The following SEMA3E variants were observed in gnomAD, a reference collection of about 807,000 sequenced individuals.
The protein encoded by SEMA3E is semaphorin 3E, also known as semaphorin-3E.
Under a neutral mutation model 93.6 loss-of-function variants are expected in SEMA3E, and 49 were observed. The observed-to-expected ratio is 0.52, with a 90% CI of 0.42 to 0.66. The LOEUF (loss-of-function observed/expected upper bound fraction) is 0.66. Among genes scored for constraint, SEMA3E ranks in the 30% least tolerant of loss-of-function variants. SEMA3E has a pLI of 0.00. For synonymous variants in SEMA3E, 363 were observed against 330.7 expected (o/e 1.10, Z -1.06); for missense variants, 906 against 964.8 (o/e 0.94, Z 0.81).
chr7:83,648,078 C>G (rs1794102690), intron 1 of SEMA3E, among the ~76,000 whole-genome samples: 1 of 152,156 alleles, frequency 6.6e-6, no homozygotes, highest in Non-Finnish European at 1.5e-5. Flanking sequence ...TAAATATCTA[C>G]TGTTAACTTG....
intron 4 of SEMA3E, among the ~76,000 whole-genome samples, chr7:83,427,759 A>G (rs978962517): frequency 1.3e-5 from 2 of 152,208 alleles, no homozygotes; most frequent in Non-Finnish European, 2.9e-5. Flanking sequence ...CAAATCAACC[A>G]GAAAACTTGA....
At chr7:83,536,368 G>T (rs998929314) in intron 1 of SEMA3E, among the ~76,000 whole-genome samples, 5 of 152,054 alleles carry the variant, frequency 3.3e-5, no homozygotes, top group Admixed American at 2.6e-4. Flanking sequence ...TTAAGGCTTT[G>T]AATAATAACA....
chr7:83,570,105 T>G (rs981026392), intron 1 of SEMA3E, among the ~76,000 whole-genome samples: 7 of 152,136 alleles, frequency 4.6e-5, no homozygotes, highest in Admixed American at 4.6e-4. Context: ...ACTTAAAAAT[T>G]TACTCCTGAA....
chr7:83,637,752 C>A (rs937394680), intron 1 of SEMA3E, among the ~76,000 whole-genome samples: 1 of 150,966 alleles, frequency 6.6e-6, no homozygotes, highest in African/African-American at 2.4e-5. Context: ...GTCAATTAAA[C>A]CTCTTTCCTT....
intron 1 of SEMA3E, among the ~76,000 whole-genome samples, chr7:83,615,790 G>T (rs1181998683): frequency 1.3e-5 from 2 of 152,068 alleles, no homozygotes; most frequent in African/African-American, 4.8e-5. Context: ...GAAGAAGCGT[G>T]GGGGAGTTAC....
intron 1 of SEMA3E, chr7:83,616,724 TTTC>T (rs1177300978): frequency 4.0e-5 from 18 of 449,328 alleles, no homozygotes; most frequent in African/African-American, 8.7e-5. Context: ...TTCTTCTTTC[TTTC>T]TTTTTTTTTT....
intron 4 of SEMA3E, among the ~76,000 whole-genome samples, chr7:83,453,766 A>G (rs1185860536): frequency 1.3e-5 from 2 of 152,278 alleles, no homozygotes; most frequent in East Asian, 1.9e-4. Context: ...TTATAAAAGT[A>G]TCTTGGTACA....
intron 2 of SEMA3E, among the ~76,000 whole-genome samples, chr7:83,488,166 A>G (rs556059401): frequency 3.3e-5 from 5 of 152,196 alleles, no homozygotes; most frequent in Non-Finnish European, 5.9e-5. Context: ...TATGCATAAT[A>G]AGCAGTAATG....
intron 16 of SEMA3E, among the ~76,000 whole-genome samples, chr7:83,377,707 C>T (rs2709900): frequency 0.93 from 141,669 of 152,082 alleles, 66,315 homozygotes; most frequent in East Asian, 1. Flanking sequence ...ATCTTCTGAG[C>T]AGCTTGAAGA....
At chr7:83,377,889 C>T (rs1370127433) in intron 16 of SEMA3E, among the ~76,000 whole-genome samples, 1 of 151,806 alleles carries the variant, frequency 6.6e-6, no homozygotes, top group African/African-American at 2.4e-5. Flanking sequence ...ACTATATGAC[C>T]TTAACTATAT....
intron 1 of SEMA3E, among the ~76,000 whole-genome samples, chr7:83,611,916 G>A (rs901261030): frequency 4.6e-5 from 7 of 151,980 alleles, no homozygotes; most frequent in African/African-American, 9.7e-5. Context: ...CCTTTAGCAT[G>A]GCAGCAGAGG....
chr7:83,380,734 C>T (rs1787759504), intron 16 of SEMA3E, among the ~76,000 whole-genome samples: 1 of 151,914 alleles, frequency 6.6e-6, no homozygotes, highest in Non-Finnish European at 1.5e-5. Context: ...TATTACAAGG[C>T]TGTAAACTTC....
In SEMA3E at chr7:83,461,268, C is replaced by T. The variant is rs28881613; in HGVS notation, c.456+5214G>A. On this transcript the variant is annotated intron_variant, in intron 4 of 16. Transcript: ENST00000643230. ...TTCCCTCCCGCCTGTACCCTCAGTA[C>T]CAACCCCAAGCATTGCTGAGTCTTT... Among the ~76,000 whole-genome samples, 748 of 152,236 alleles carry T rather than the reference C, an allele frequency of 4.9e-3. 7 individuals carry two copies. Among genetic ancestry groups the T allele is most frequent in the African/African-American group, 0.017 (703 of 41,536 alleles).
chr7:83,560,478 A>G (rs535823975), intron 1 of SEMA3E, among the ~76,000 whole-genome samples: 11 of 152,168 alleles, frequency 7.2e-5, no homozygotes, highest in African/African-American at 1.2e-4. Flanking sequence ...AATTATTCTT[A>G]TCCATAGAAA....
intron 1 of SEMA3E, among the ~76,000 whole-genome samples, chr7:83,623,474 C>G (rs992710580): frequency 3.3e-5 from 5 of 152,098 alleles, no homozygotes; most frequent in African/African-American, 4.8e-5. Context: ...AATTTACACA[C>G]CAACATATTA....
chr7:83,525,054 G>A (rs1363367234), intron 1 of SEMA3E, among the ~76,000 whole-genome samples: 2 of 151,992 alleles, frequency 1.3e-5, no homozygotes, highest in African/African-American at 4.8e-5. Context: ...AAGAAACGGT[G>A]CATCAAGCTT....
chr7:83,456,761 C>T (rs564569661), intron 4 of SEMA3E, among the ~76,000 whole-genome samples: 2 of 151,834 alleles, frequency 1.3e-5, no homozygotes, highest in South Asian at 2.1e-4. Flanking sequence ...TTACAGATGC[C>T]GGCCACCATG....
chr7:83,630,268 T>C (rs1584375764), intron 1 of SEMA3E, among the ~76,000 whole-genome samples: 1 of 152,322 alleles, frequency 6.6e-6, no homozygotes, highest in East Asian at 1.9e-4. Flanking sequence ...TTTCATTTCT[T>C]AAAGAAAAAT....
At chr7:83,585,616 C>T (rs1448594570) in intron 1 of SEMA3E, among the ~76,000 whole-genome samples, 1 of 152,180 alleles carries the variant, frequency 6.6e-6, no homozygotes, top group African/African-American at 2.4e-5. Flanking sequence ...TCTGAATTCT[C>T]TTAACAATTT....
Sources: allele counts gnomAD v4.1 joint callset (sites outside exome capture counted in the v4.1 genomes callset), GRCh38; gene constraint gnomAD v4.1.1; transcripts MANE v1.5; gene names NCBI Gene and HGNC (gene_info 2026-07-23, HGNC 2026-07-21).